The following VAV2 variants were observed in gnomAD, a reference collection of about 807,000 sequenced individuals.
The protein encoded by VAV2 is vav guanine nucleotide exchange factor 2.
A neutral mutation model predicts 132.5 loss-of-function variants in VAV2; 67 were observed. That is an observed-to-expected ratio of 0.51 (90% confidence interval 0.42 to 0.62). The LOEUF (loss-of-function observed/expected upper bound fraction) is 0.62. Ranked by LOEUF, VAV2 falls within the 20% of genes least tolerant of loss-of-function variation. VAV2 has a pLI of 0.00. For synonymous variants in VAV2, 492 were observed against 443.5 expected, an observed-to-expected ratio of 1.11 and a Z score of -1.37; for missense variants, 938 against 1,153.6, an observed-to-expected ratio of 0.81 and a Z score of 2.71.
chr9:133,920,767 G>A (rs944998666), intron 2 of VAV2, among the ~76,000 whole-genome samples: 15 of 152,038 alleles, frequency 9.9e-5, no homozygotes, highest in African/African-American at 2.4e-4. Flanking sequence ...CATACTGGCC[G>A]CCTGCTGCTG....
At chr9:133,830,534 A>G (rs191662504) in intron 4 of VAV2, among the ~76,000 whole-genome samples, 1 of 152,298 alleles carries the variant, frequency 6.6e-6, no homozygotes, top group Admixed American at 6.5e-5. Context: ...CATGTGAAGA[A>G]AAGCGTGTTT....
intron 2 of VAV2, among the ~76,000 whole-genome samples, chr9:133,903,524 TATCA>T (rs1564451765): frequency 6.6e-6 from 1 of 152,174 alleles, no homozygotes; most frequent in South Asian, 2.1e-4. Flanking sequence ...AGAGGTTTTG[TATCA>T]CTTAGAAAAT....
chr9:133,762,239 A>C lies in VAV2; in HGVS notation c.*1823T>G, dbSNP rs938476702. 5 of 152,612 alleles carry C rather than the reference A, an allele frequency of 3.3e-5. No homozygotes were observed. Among genetic ancestry groups the C allele is most frequent in the Non-Finnish European group, 7.3e-5 (5 of 68,042 alleles). The allele number at this position is 152,612 out of a possible 1,614,324, so 9.5% of individuals were successfully genotyped here. A position where few individuals can be genotyped will look rare whatever the true frequency, so the allele number is the denominator to read the frequency against. ...AAATTCACAAAAACCAGGGTTCTAA[A>C]TTATTTTTTCTCAGTGTCCTTCGTG... On this transcript the variant is annotated 3_prime_UTR_variant, in exon 30 of 30. Coordinates refer to ENST00000371850, the MANE Select transcript of VAV2 (RefSeq NM_001134398.2). The surrounding 1 kb of genome is among the most constrained non-coding windows in gnomAD (Gnocchi z 5.0).
At chr9:133,898,277 G>A (rs1839294806) in intron 2 of VAV2, among the ~76,000 whole-genome samples, 1 of 152,102 alleles carries the variant, frequency 6.6e-6, no homozygotes, top group Admixed American at 6.5e-5. Flanking sequence ...TCTCCACAAC[G>A]CCAGACCCTC....
Position 133,794,600 on chromosome 9 carries a change from G to GC in VAV2, c.1101+1067dup, listed in dbSNP as rs1834632266. Among the ~76,000 whole-genome samples, 1 of 152,232 alleles carries GC rather than the reference G, an allele frequency of 6.6e-6. No individual in the cohort carries two copies. Among genetic ancestry groups the GC allele is most frequent in the Admixed American group, 6.5e-5 (1 of 15,292 alleles). On this transcript the variant is annotated intron_variant, in intron 12 of 29. Transcript: ENST00000371850. This position sits in a 1 kb window ranked among gnomAD's most constrained non-coding sequence, Gnocchi z 4.6. ...CTGGGAAAGGAAAAGGGGGCCCAAAGCCCAGGGGGGCTGCCCAGAGGGCAG... is the reference window on the plus strand; with the variant it reads ...CTGGGAAAGGAAAAGGGGGCCCAAAGCCCCAGGGGGGCTGCCCAGAGGGCAG...
intron 1 of VAV2, among the ~76,000 whole-genome samples, chr9:133,981,427 G>A (rs1842690072): frequency 6.6e-6 from 1 of 152,208 alleles, no homozygotes. Context: ...CTCAGGAAGA[G>A]AGCCACTCCC....
At chr9:133,807,158 G>C in intron 8 of VAV2, 100 bp downstream of exon 8, 3 of 1,343,002 alleles carry the variant, frequency 2.2e-6, no homozygotes, top group African/African-American at 1.5e-5. Context: ...GAGCCACAGG[G>C]GTGCAGCTCT....
intron 3 of VAV2, among the ~76,000 whole-genome samples, chr9:133,845,120 C>T (rs753404510): frequency 3.3e-5 from 5 of 152,254 alleles, no homozygotes; most frequent in Admixed American, 6.5e-5. Flanking sequence ...CTGGCACAGT[C>T]GCCGGATCAC....
rs865841136 is a variant in VAV2, at chr9:133,899,804, G to A, written c.322-38372C>T. ...TGGGAGGCCGAGGCGGGTGGATCAC[G>A]AGGTCAGGAGGTCGAGACCATCCTG... On this transcript the variant is annotated intron_variant, in intron 2 of 29. Coordinates refer to ENST00000371850, the MANE Select transcript of VAV2 (RefSeq NM_001134398.2). 3.6e-3 allele frequency among the ~76,000 whole-genome samples: 537 copies of A among 150,104 alleles called. 5 individuals are homozygous for A. Among genetic ancestry groups the A allele is most frequent in the African/African-American group, 0.011 (443 of 41,336 alleles).
In VAV2 at chr9:133,824,642, T is replaced by C. The variant is rs999077365; in HGVS notation, c.449+9630A>G. Among the ~76,000 whole-genome samples the C allele has an allele frequency of 6.6e-6, 1 of 151,596 alleles. No individual in the cohort carries two copies. Among genetic ancestry groups the C allele is most frequent in the Admixed American group, 6.6e-5 (1 of 15,238 alleles). On this transcript the variant is annotated intron_variant, in intron 4 of 29. Coordinates refer to ENST00000371850, the MANE Select transcript of VAV2 (RefSeq NM_001134398.2). This position sits in a 1 kb window ranked among gnomAD's most constrained non-coding sequence, Gnocchi z 5.2. ...CTGCCTGGACAGCACATGTGGGAGGTAGAGGAACCTCGAGTGAGAAGTGCA... is the reference window on the plus strand; with the variant it reads ...CTGCCTGGACAGCACATGTGGGAGGCAGAGGAACCTCGAGTGAGAAGTGCA...
intron 1 of VAV2, among the ~76,000 whole-genome samples, chr9:133,983,786 T>TCCCACCCCAC (rs550006838): frequency 6.9e-6 from 1 of 145,416 alleles, no homozygotes; most frequent in Non-Finnish European, 1.5e-5. Flanking sequence ...CAGCCAGGGC[T>TCCCACCCCAC]CCCACCCCAC....
chr9:133,942,116 C>T (rs520308), intron 1 of VAV2, among the ~76,000 whole-genome samples: 42,837 of 152,068 alleles, frequency 0.28, 6,115 homozygotes, highest in East Asian at 0.39. Context: ...AGAGGAAAAC[C>T]GGAGAAGACA....
chr9:133,957,744 G>A (rs1841832221), intron 1 of VAV2, among the ~76,000 whole-genome samples: 2 of 152,208 alleles, frequency 1.3e-5, no homozygotes, highest in Admixed American at 6.5e-5. Context: ...GAGAGCCTAT[G>A]GCCAAGATGA....
intron 2 of VAV2, among the ~76,000 whole-genome samples, chr9:133,878,344 T>C (rs1838348966): frequency 6.6e-6 from 1 of 152,176 alleles, no homozygotes; most frequent in Admixed American, 6.5e-5. Context: ...ATCGAGGCTG[T>C]GTGTTTCTGA....
At chr9:133,987,058 C>T (rs1029343536) in intron 1 of VAV2, among the ~76,000 whole-genome samples, 2 of 151,188 alleles carry the variant, frequency 1.3e-5, no homozygotes, top group South Asian at 4.2e-4. Flanking sequence ...TATTATTTCT[C>T]GAATGAAGGC....
intron 2 of VAV2, among the ~76,000 whole-genome samples, chr9:133,897,151 C>T (rs1321072825): frequency 1.3e-5 from 2 of 152,174 alleles, no homozygotes; most frequent in Non-Finnish European, 2.9e-5. Context: ...CACTAGGAAG[C>T]GACTCGGGAG....
Position 133,908,898 on chromosome 9 carries a change from C to A in VAV2, c.321+30205G>T, listed in dbSNP as rs76914030. 7.9e-3 allele frequency among the ~76,000 whole-genome samples: 1,200 copies of A among 152,342 alleles called. 20 individuals carry two copies. Among genetic ancestry groups the A allele is most frequent in the African/African-American group, 0.027 (1,125 of 41,576 alleles). Reference sequence around the variant, plus strand: ...CACCCACAATCTGGTGAGGGCAAGGCCATTGTGGGCCCAGTGGGCATGCAG... The same window carrying A: ...CACCCACAATCTGGTGAGGGCAAGGACATTGTGGGCCCAGTGGGCATGCAG... On this transcript the variant is annotated intron_variant, in intron 2 of 29. Transcript: ENST00000371850.
intron 29 of VAV2, among the ~76,000 whole-genome samples, chr9:133,767,795 G>A (rs1011663152): frequency 2.2e-4 from 33 of 152,210 alleles, no homozygotes; most frequent in African/African-American, 7.5e-4. Context: ...AGAGAAAGCT[G>A]GGCATTTTCT....
At chr9:133,861,121 T>C (rs1837576025) in intron 3 of VAV2, 1 of 448,464 alleles carries the variant, frequency 2.2e-6, no homozygotes, top group African/African-American at 2.0e-5. Flanking sequence ...GCTGATCTTA[T>C]TACCTAAATC....
Sources: gnomAD v4.1 joint callset for allele counts (sites outside exome capture counted in the v4.1 genomes callset) on GRCh38, gnomAD v4.1.1 for gene constraint, Gnocchi (gnomAD v3.1) non-coding constraint, MANE v1.5 for transcripts, NCBI Gene and HGNC (gene_info 2026-07-23, HGNC 2026-07-21) for gene names.